Variants in AGBL4 observed in about 807,000 individuals in gnomAD.
AGBL4 encodes cytosolic carboxypeptidase 6.
In AGBL4, 58 loss-of-function variants were observed where a neutral mutation model predicts 66.4. The observed-to-expected ratio is 0.87, with a 90% CI of 0.71 to 1.09. AGBL4 has a LOEUF of 1.09. AGBL4 is among the 50% of genes least tolerant of loss of function. The pLI, the probability that AGBL4 is intolerant of heterozygous loss-of-function variation, is 0.00. For missense variants in AGBL4, 579 were observed against 631.0 expected (o/e 0.92, Z 0.88); for synonymous variants, 234 against 222.9 (o/e 1.05, Z -0.44).
chr1:48,661,247 C>T (rs912725067), intron 7 of AGBL4, among the ~76,000 whole-genome samples: 12 of 152,140 alleles, frequency 7.9e-5, no homozygotes, highest in African/African-American at 2.9e-4. Flanking sequence ...AGGGAGTGGG[C>T]CAGGGAGGCC....
intron 4 of AGBL4, among the ~76,000 whole-genome samples, chr1:49,153,692 T>A (rs1646380819): frequency 6.6e-6 from 1 of 151,510 alleles, no homozygotes; most frequent in Admixed American, 6.6e-5. Context: ...TAATGTAAAA[T>A]GAAGGTAATA....
chr1:48,968,401 G>T (rs1658626373), intron 5 of AGBL4, among the ~76,000 whole-genome samples: 1 of 152,096 alleles, frequency 6.6e-6, no homozygotes, highest in Non-Finnish European at 1.5e-5. Context: ...GGAGCAATCT[G>T]GTTTCTGTGT....
intron 4 of AGBL4, among the ~76,000 whole-genome samples, chr1:49,198,384 A>G (rs1052669266): frequency 6.6e-6 from 1 of 152,152 alleles, no homozygotes; most frequent in African/African-American, 2.4e-5. Context: ...TTTGTAGCCC[A>G]GGCTGGAGTG....
intron 4 of AGBL4, among the ~76,000 whole-genome samples, chr1:49,072,411 T>A (rs1571378084): frequency 6.6e-6 from 1 of 152,330 alleles, no homozygotes; most frequent in Middle Eastern, 3.4e-3. Flanking sequence ...AGTGCTTCCT[T>A]CAGGAGCTCT....
At chr1:49,676,014 C>T (rs1157902951) in intron 3 of AGBL4, among the ~76,000 whole-genome samples, 1 of 151,992 alleles carries the variant, frequency 6.6e-6, no homozygotes, top group Admixed American at 6.6e-5. Flanking sequence ...GTTTACAGAG[C>T]AGTTCTATGT....
At chr1:48,991,892 C>T (rs2148979147) in intron 5 of AGBL4, among the ~76,000 whole-genome samples, 1 of 152,164 alleles carries the variant, frequency 6.6e-6, no homozygotes, top group Non-Finnish European at 1.5e-5. Flanking sequence ...AATTCCTTGT[C>T]TGTGTTATCT....
At chr1:48,524,539 C>T in the AGBL4 span, among the ~76,000 whole-genome samples, 4 of 152,046 alleles carry the variant, frequency 2.6e-5, no homozygotes, top group African/African-American at 4.8e-5. Flanking sequence ...GAGGCTGGGG[C>T]AGAGGGGTGA....
chr1:49,307,204 G>T (rs1465260821), intron 3 of AGBL4, among the ~76,000 whole-genome samples: 1 of 152,034 alleles, frequency 6.6e-6, no homozygotes, highest in African/African-American at 2.4e-5. Context: ...TTTTCCAAAG[G>T]CTCACATAGA....
At chr1:48,558,675 T>A (rs958430576) in intron 11 of AGBL4, among the ~76,000 whole-genome samples, 2 of 152,212 alleles carry the variant, frequency 1.3e-5, no homozygotes, top group Non-Finnish European at 2.9e-5. Flanking sequence ...GGTTGAATAA[T>A]GAAGCCAATG....
chr1:49,518,222 A>G (rs1403898841), intron 3 of AGBL4, among the ~76,000 whole-genome samples: 1 of 152,068 alleles, frequency 6.6e-6, no homozygotes, highest in African/African-American at 2.4e-5. Context: ...AGGCCAATAT[A>G]TCAGGGAAAA....
At chr1:49,704,818 TG>T in intron 2 of AGBL4, among the ~76,000 whole-genome samples, 1 of 152,300 alleles carries the variant, frequency 6.6e-6, no homozygotes, top group African/African-American at 2.4e-5. Context: ...ACCATGCTGT[TG>T]GGGTTACTGT....
chr1:49,495,980 C>T (rs1184034880), intron 3 of AGBL4, among the ~76,000 whole-genome samples: 1 of 152,040 alleles, frequency 6.6e-6, no homozygotes, highest in African/African-American at 2.4e-5. Context: ...TAGAAAAAGA[C>T]ACTGAATTTC....
chr1:49,089,428 A>T (rs1644963575), intron 4 of AGBL4, among the ~76,000 whole-genome samples: 1 of 152,138 alleles, frequency 6.6e-6, no homozygotes, highest in African/African-American at 2.4e-5. Context: ...ATTACCACTG[A>T]CCTTACAGAA....
chr1:49,712,505 T>C (rs1023367390), intron 2 of AGBL4, among the ~76,000 whole-genome samples: 1 of 151,780 alleles, frequency 6.6e-6, no homozygotes, highest in Non-Finnish European at 1.5e-5. Context: ...GTTGCAGTTA[T>C]GTAGGATGAA....
chr1:49,122,198 C>G (rs747985259), intron 4 of AGBL4, among the ~76,000 whole-genome samples: 62 of 152,184 alleles, frequency 4.1e-4, no homozygotes, highest in Non-Finnish European at 7.1e-4. Flanking sequence ...TGCTTTGCCT[C>G]GCCCTCCATG....
chr1:49,167,304 A>ACT lies in AGBL4; in HGVS notation c.377+78464_377+78465dup, dbSNP rs139802063. 4.1e-4 allele frequency among the ~76,000 whole-genome samples: 62 copies of ACT among 152,088 alleles called. No individual in the cohort carries two copies. In the East Asian group the frequency reaches 0.012, roughly 29 times the overall value. On this transcript the variant is annotated intron_variant, in intron 4 of 13. Transcript: ENST00000371839. ...ATTTTTGCTGGAATGTAGTCTACAC[A>ACT]CTCTCTCTTTCACACTTTTGCTCAC...
At chr1:48,878,839 A>G (rs1016464961) in intron 5 of AGBL4, among the ~76,000 whole-genome samples, 4 of 152,176 alleles carry the variant, frequency 2.6e-5, no homozygotes, top group African/African-American at 4.8e-5. Flanking sequence ...ATTCCTGCCC[A>G]GCCGGAGTAA....
chr1:49,581,617 C>T (rs549505143), intron 3 of AGBL4, among the ~76,000 whole-genome samples: 47 of 152,076 alleles, frequency 3.1e-4, no homozygotes, highest in Non-Finnish European at 6.2e-4. Flanking sequence ...GCATTAGTGG[C>T]GTCTGTGGAT....
intron 4 of AGBL4, among the ~76,000 whole-genome samples, chr1:49,102,071 C>A (rs1357031698): frequency 6.6e-6 from 1 of 151,984 alleles, no homozygotes; most frequent in Non-Finnish European, 1.5e-5. Context: ...AGACACAGCA[C>A]CAGCAGTAGG....
Sources: allele counts gnomAD v4.1 joint callset (sites outside exome capture counted in the v4.1 genomes callset), GRCh38; gene constraint gnomAD v4.1.1; transcripts MANE v1.5; gene names NCBI Gene and HGNC (gene_info 2026-07-23, HGNC 2026-07-21).